Variants in DLG1 observed in about 807,000 individuals in gnomAD.
DLG1 encodes disks large homolog 1.
DLG1 carries 42 observed loss-of-function variants against 123.4 expected under a neutral mutation model. That is an observed-to-expected ratio of 0.34 (90% CI 0.27 to 0.44). The LOEUF (loss-of-function observed/expected upper bound fraction) is 0.44. DLG1 is among the 20% of genes least tolerant of loss of function. The pLI is 1.00. For synonymous variants in DLG1, 317 were observed against 356.2 expected, an observed-to-expected ratio of 0.89 and a Z score of 1.24; for missense variants, 942 against 1,082.6, an observed-to-expected ratio of 0.87 and a Z score of 1.82.
intron 5 of DLG1, among the ~76,000 whole-genome samples, chr3:197,152,394 C>T (rs1794320920): frequency 6.9e-6 from 1 of 145,628 alleles, no homozygotes; most frequent in African/African-American, 2.5e-5. Flanking sequence ...CTACTACTCG[C>T]TGTCTTGGTT....
chr3:197,118,774 G>A (rs1774679802), intron 12 of DLG1, among the ~76,000 whole-genome samples: 1 of 152,090 alleles, frequency 6.6e-6, no homozygotes, highest in Admixed American at 6.5e-5. Context: ...ATACATTTCA[G>A]TGCAGGTAGT....
At chr3:197,282,657 C>T in intron 4 of DLG1, 22 bp downstream of exon 4, 1 of 1,486,128 alleles carries the variant, frequency 6.7e-7, no homozygotes, top group Admixed American at 2.5e-5. Flanking sequence ...AAAACAGCTT[C>T]AGAACACATT....
intron 4 of DLG1, among the ~76,000 whole-genome samples, chr3:197,252,776 A>T (rs73088459): frequency 0.011 from 1,627 of 152,342 alleles, 31 homozygotes; most frequent in African/African-American, 0.037. Flanking sequence ...CAGAGTCTAT[A>T]GATGAATAGT....
At position 197,293,626 on chromosome 3, in the gene DLG1, A is replaced by AAACT. The variant is rs1314164317; in HGVS notation, c.151+2719_151+2720insAGTT. ...ACAGGGGGGGACACCAAACCCCTAG[A>AAACT]GACTCAAACTTTTTTAAATGCATGA... On this transcript the variant is annotated intron_variant, in intron 3 of 24. Coordinates refer to ENST00000667157, the MANE Select transcript of DLG1 (RefSeq NM_001366207.1). 9.5e-3 allele frequency among the ~76,000 whole-genome samples: 575 copies of AAACT among 60,570 alleles called. 3 individuals are homozygous for AAACT. Among genetic ancestry groups the AAACT allele is most frequent in the African/African-American group, 0.034 (539 of 15,682 alleles). The allele number at this position is 60,570 out of a possible 152,430, so 39.7% of individuals were successfully genotyped here.
rs375423366 is a variant in DLG1 at position 197,206,474 on chromosome 3, A to AT, written c.319-11886dup. ...GCCACCATGCCCAGCTAATTTTTGT[A>AT]TTTTTTGTGGAGACAGGGTTTCACC... On this transcript the variant is annotated intron_variant, in intron 4 of 24. Coordinates refer to ENST00000667157, the MANE Select transcript of DLG1 (RefSeq NM_001366207.1). 4.2e-3 allele frequency among the ~76,000 whole-genome samples: 640 copies of AT among 151,996 alleles called. 1 individual carries two copies. The highest frequency in any genetic ancestry group is 0.022 in the South Asian group (104 of 4,806).
At chr3:197,182,929 ATC>A (rs1249048037) in intron 5 of DLG1, among the ~76,000 whole-genome samples, 1 of 152,066 alleles carries the variant, frequency 6.6e-6, no homozygotes, top group Non-Finnish European at 1.5e-5. Context: ...GTATTTGCTC[ATC>A]TCTTTAAATT....
chr3:197,158,634 C>CAAAAAGA (rs1797448622), intron 5 of DLG1, among the ~76,000 whole-genome samples: 1 of 67,476 alleles, frequency 1.5e-5, no homozygotes, highest in Admixed American at 2.1e-4. Flanking sequence ...AACTCCATTT[C>CAAAAAGA]AAAAAAAAAA....
intron 1 of DLG1, chr3:197,297,590 G>A: frequency 9.8e-7 from 1 of 1,022,824 alleles, no homozygotes; most frequent in Non-Finnish European, 1.2e-6. Flanking sequence ...CTTGGCCCCT[G>A]AGCCAGCAGC....
At chr3:197,075,766 A>G in intron 18 of DLG1, 1 of 1,395,608 alleles carries the variant, frequency 7.2e-7, no homozygotes, top group Non-Finnish European at 1.0e-6. Context: ...ATGAATCTCA[A>G]AATGTATCTG....
rs180927994 is a variant in DLG1, at chr3:197,178,353, A to G, written c.483+16072T>C. On this transcript the variant is annotated intron_variant, in intron 5 of 24. Coordinates refer to ENST00000667157, the MANE Select transcript of DLG1 (RefSeq NM_001366207.1). ...ATACGGAGCAAAGAAAAAAGGAATA[A>G]AAGATAATTTTAAGGGTTTTTGTCT... Among the ~76,000 whole-genome samples the G allele has an allele frequency of 1.2e-3, 178 of 152,268 alleles. 1 individual carries two copies. The highest frequency in any genetic ancestry group is 3.9e-3 in the African/African-American group (163 of 41,554).
chr3:197,057,092 T>TG (rs398106911), intron 23 of DLG1, among the ~76,000 whole-genome samples: 6 of 152,156 alleles, frequency 3.9e-5, no homozygotes, highest in African/African-American at 1.4e-4. Flanking sequence ...TGTTTTTTTT[T>TG]AGAGACACGG....
At chr3:197,235,428 T>C (rs1344528429) in intron 4 of DLG1, among the ~76,000 whole-genome samples, 1 of 152,184 alleles carries the variant, frequency 6.6e-6, no homozygotes, top group African/African-American at 2.4e-5. Flanking sequence ...AATAAAACTG[T>C]AAGGGACTTA....
At chr3:197,296,974 T>C in intron 2 of DLG1, 1 of 582,550 alleles carries the variant, frequency 1.7e-6, no homozygotes, top group Non-Finnish European at 3.0e-6. Context: ...TAACTGCCTC[T>C]CTTAATCACT....
At chr3:197,289,498 T>A (rs915058814) in intron 3 of DLG1, among the ~76,000 whole-genome samples, 2 of 152,232 alleles carry the variant, frequency 1.3e-5, no homozygotes, top group Admixed American at 1.3e-4. Context: ...ATCATTTTTA[T>A]AATAAATTTA....
intron 5 of DLG1, chr3:197,183,837 C>T: frequency 6.5e-7 from 1 of 1,542,272 alleles, no homozygotes; most frequent in Non-Finnish European, 8.8e-7. Flanking sequence ...GGTTGCCAAG[C>T]AGGCTTACTT....
intron 4 of DLG1, among the ~76,000 whole-genome samples, chr3:197,278,738 TAAAA>T (rs553884626): frequency 7.0e-6 from 1 of 143,276 alleles, no homozygotes; most frequent in Non-Finnish European, 1.5e-5. Flanking sequence ...TCAGTGAACT[TAAAA>T]AAAAAAAAGA....
intron 22 of DLG1, among the ~76,000 whole-genome samples, chr3:197,060,617 A>C (rs1735111688): frequency 6.6e-6 from 1 of 152,186 alleles, no homozygotes; most frequent in Non-Finnish European, 1.5e-5. Flanking sequence ...TTTATTAGGG[A>C]CTGACAAAAA....
chr3:197,166,523 G>A (rs1801492812), intron 5 of DLG1, among the ~76,000 whole-genome samples: 1 of 152,186 alleles, frequency 6.6e-6, no homozygotes, highest in African/African-American at 2.4e-5. Context: ...CCTGGATGCA[G>A]CTAACAGCTC....
intron 4 of DLG1, among the ~76,000 whole-genome samples, chr3:197,252,544 G>C (rs1332793630): frequency 6.6e-6 from 1 of 152,126 alleles, no homozygotes; most frequent in Non-Finnish European, 1.5e-5. Context: ...TAAAATCAGA[G>C]AAACAAAGTA....
Sources: allele counts gnomAD v4.1 joint callset (sites outside exome capture counted in the v4.1 genomes callset), GRCh38; gene constraint gnomAD v4.1.1; transcripts MANE v1.5; gene names NCBI Gene and HGNC (gene_info 2026-07-23, HGNC 2026-07-21).